Variants in BRDT observed in about 807,000 individuals in gnomAD.
BRDT encodes bromodomain testis-specific protein.
Under a neutral mutation model 113.9 loss-of-function variants are expected in BRDT, and 77 were observed. The observed-to-expected ratio is 0.68, with a 90% CI of 0.56 to 0.82. The LOEUF is 0.82. BRDT is among the 40% of genes least tolerant of loss of function. BRDT has a pLI of 0.00. For missense variants in BRDT, 1,027 were observed against 1,105.4 expected, an observed-to-expected ratio of 0.93 and a Z score of 1.01; for synonymous variants, 358 against 366.5, an observed-to-expected ratio of 0.98 and a Z score of 0.26.
chr1:91,949,556 G>T lies in BRDT; in HGVS notation c.-164G>T, dbSNP rs1186080330. Reference sequence around the variant, plus strand: ...TCCACAGGGGGTGCTGCCTTAGGCCGGCCCCGAGGTGCGGCCTTGGGTGGG... The same window carrying T: ...TCCACAGGGGGTGCTGCCTTAGGCCTGCCCCGAGGTGCGGCCTTGGGTGGG... On this transcript the variant is annotated 5_prime_UTR_variant, in exon 1 of 19. Transcript: ENST00000399546. 2.0e-5 allele frequency: 3 copies of T among 152,212 alleles called. No individual in the cohort carries two copies. The highest frequency in any genetic ancestry group is 1.5e-5 in the Non-Finnish European group (1 of 68,110). 9.4% of individuals were successfully genotyped at this position (152,212 alleles called of 1,614,324 possible). A position where few individuals can be genotyped will look rare whatever the true frequency, so the allele number is the denominator to read the frequency against.
chr1:91,994,512 G>T (rs5014049), intron 15 of BRDT, among the ~76,000 whole-genome samples: 10,033 of 152,072 alleles, frequency 0.066, 347 homozygotes, highest in Non-Finnish European at 0.087. Context: ...CCAGATCTGA[G>T]CAGATCTGGG....
intron 1 of BRDT, among the ~76,000 whole-genome samples, chr1:91,959,750 T>A (rs989076905): frequency 6.6e-6 from 1 of 152,222 alleles, no homozygotes; most frequent in African/African-American, 2.4e-5. Context: ...ACCAAAGTTC[T>A]GGGATTACAG....
Position 91,980,794 on chromosome 1 carries a change from TAAAGG to T in BRDT, c.1443_1447del (p.Glu482ValfsTer19). ...AGAAAAATGTGTGAGCAAATGAGGCTAAAGGAAAAGTCCAAGAGAAAGTAAGTATC... is the reference window on the plus strand; with the variant it reads ...AGAAAAATGTGTGAGCAAATGAGGCTAAAAGTCCAAGAGAAAGTAAGTATC... On this transcript the variant is annotated frameshift_variant, in exon 9 of 19. Coordinates refer to ENST00000399546, the MANE Select transcript of BRDT (RefSeq NM_207189.4). LOFTEE classifies it high-confidence loss of function. The T allele has an allele frequency of 1.9e-6, 3 of 1,598,496 alleles. No individual in the cohort carries two copies. Among genetic ancestry groups the T allele is most frequent in the Middle Eastern group, 1.7e-4 (1 of 5,954 alleles).
Position 91,994,125 on chromosome 1 carries a change from C to T in BRDT, c.2158C>T (p.Leu720Phe), listed in dbSNP as rs1373920320. 4 of 1,612,726 alleles carry T rather than the reference C, an allele frequency of 2.5e-6. No individual in the cohort carries two copies. The highest frequency in any genetic ancestry group is 1.3e-5 in the African/African-American group (1 of 74,996). Residue 720 changes from leucine to phenylalanine, a missense_variant, in exon 15 of 19, where the codon CTT becomes TTT. Physicochemically the swap from Leu to Phe is conservative, Grantham distance 22. Transcript: ENST00000399546. The part of the protein sequence containing the change: ...VQDTTSANTT[L>F]VHQTTPSHVM... ...AGACACAACCTCTGCCAATACTACC[C>T]TTGTTCATCAGACCACACCTTCACA...
intron 1 of BRDT, among the ~76,000 whole-genome samples, chr1:91,960,512 A>C (rs1682330689): frequency 6.6e-6 from 1 of 152,202 alleles, no homozygotes; most frequent in Admixed American, 6.5e-5. Context: ...AACAGAAAGC[A>C]GAATGGTGGT....
At chr1:91,954,797 TAAAA>T (rs537166919) in intron 1 of BRDT, among the ~76,000 whole-genome samples, 123 of 149,650 alleles carry the variant, frequency 8.2e-4, no homozygotes, top group Middle Eastern at 3.4e-3. Context: ...TCATCTCTAC[TAAAA>T]AAATTAAAAA....
intron 4 of BRDT, among the ~76,000 whole-genome samples, chr1:91,970,635 G>A (rs1459525689): frequency 6.6e-6 from 1 of 152,186 alleles, no homozygotes; most frequent in Non-Finnish European, 1.5e-5. Flanking sequence ...TACCTGGCTG[G>A]GCATTGTGGC....
chr1:91,985,690 G>A (rs1226986457), intron 12 of BRDT, among the ~76,000 whole-genome samples: 2 of 140,592 alleles, frequency 1.4e-5, no homozygotes, highest in African/African-American at 5.3e-5. Flanking sequence ...CCAGGCTGGA[G>A]TGCAGTGGCG....
At chr1:91,955,755 C>G (rs1299194700) in intron 1 of BRDT, among the ~76,000 whole-genome samples, 1 of 152,190 alleles carries the variant, frequency 6.6e-6, no homozygotes, top group Non-Finnish European at 1.5e-5. Context: ...GGACAGTGAG[C>G]TTCACTTCAC....
chr1:91,955,505 C>T (rs941812601), intron 1 of BRDT, among the ~76,000 whole-genome samples: 13 of 151,982 alleles, frequency 8.6e-5, no homozygotes, highest in African/African-American at 2.9e-4. Context: ...TTTTGTAGGA[C>T]TCTTGTGGTG....
At position 92,010,685 on chromosome 1, in the gene BRDT, C is replaced by T. The variant is rs1352703537; in HGVS notation, c.2776-3521C>T. 2.0e-5 allele frequency among the ~76,000 whole-genome samples: 3 copies of T among 152,132 alleles called. No homozygotes were observed. The East Asian group carries it at 5.8e-4, about 29-fold the overall frequency. Reference sequence around the variant, plus strand: ...TCAGTGTCTGATCTTCTGTTAACCCCCAGTGTATTAATTTTCATCCCAGAC... The same window carrying T: ...TCAGTGTCTGATCTTCTGTTAACCCTCAGTGTATTAATTTTCATCCCAGAC... On this transcript the variant is annotated intron_variant, in intron 18 of 18. Transcript: ENST00000399546.
chr1:91,977,375 G>T lies in BRDT; in HGVS notation c.951G>T (p.Met317Ile). ...HNYYDVVKNP[M>I]DLGTIKEKMD... The stretch of plus-strand genomic sequence containing the variant: ...ACTATGACGTTGTCAAAAATCCGAT[G>T]GATCTTGGAACTATTAAGGTAAATG... The change falls in exon 6 of 19, where the codon ATG becomes ATT. Residue 317 changes from methionine (M) to isoleucine (I), a missense_variant. Coordinates refer to ENST00000399546, the MANE Select transcript of BRDT (RefSeq NM_207189.4). 1.3e-6 allele frequency: 2 copies of T among 1,586,618 alleles called. No individual in the cohort carries two copies. The highest frequency in any genetic ancestry group is 1.8e-5 in the Admixed American group (1 of 54,946).
At chr1:91,984,750 G>A (rs1685049524) in intron 12 of BRDT, among the ~76,000 whole-genome samples, 1 of 151,992 alleles carries the variant, frequency 6.6e-6, no homozygotes, top group Non-Finnish European at 1.5e-5. Context: ...TCCTGCCTCA[G>A]CCTGCCAAGT....
chr1:91,983,818 A>G (rs932447753), intron 12 of BRDT, among the ~76,000 whole-genome samples: 28 of 151,662 alleles, frequency 1.8e-4, no homozygotes, highest in Middle Eastern at 3.4e-3. Context: ...AGTAGCTGGG[A>G]TTACAAGTGG....
At chr1:92,007,900 C>T (rs143781493) in intron 18 of BRDT, among the ~76,000 whole-genome samples, 1,967 of 132,442 alleles carry the variant, frequency 0.015, 52 homozygotes, top group African/African-American at 0.059. Flanking sequence ...TTTATTTATT[C>T]ATTCATTCAT....
intron 3 of BRDT, among the ~76,000 whole-genome samples, chr1:91,967,257 C>T (rs1683156443): frequency 1.3e-5 from 2 of 150,782 alleles, no homozygotes; most frequent in Non-Finnish European, 2.9e-5. Flanking sequence ...TTTTTTAAGA[C>T]GGAGTTTTCG....
chr1:92,005,953 A>C (rs1418707681), intron 18 of BRDT, among the ~76,000 whole-genome samples: 1 of 152,224 alleles, frequency 6.6e-6, no homozygotes, highest in Non-Finnish European at 1.5e-5. Flanking sequence ...TATGCAGAAA[A>C]TAATATTTTA....
Position 91,958,592 on chromosome 1 carries a change from C to T in BRDT, c.-37-4126C>T, listed in dbSNP as rs571194004. Among the ~76,000 whole-genome samples the T allele has an allele frequency of 4.9e-3, 747 of 152,296 alleles. 4 individuals carry two copies. The highest frequency in any genetic ancestry group is 0.01 in the South Asian group (50 of 4,826). On this transcript the variant is annotated intron_variant, in intron 1 of 18. Coordinates refer to ENST00000399546, the MANE Select transcript of BRDT (RefSeq NM_207189.4). ...TAGAGTGTATTTACCCTTTCACCTA[C>T]TTAAGGACATCTTAGTTATTTTCAA...
At chr1:91,962,654 CTT>C (rs1682610348) in intron 1 of BRDT, 62 bp from the exon 2 acceptor site, 1 of 1,022,290 alleles carries the variant, frequency 9.8e-7, no homozygotes, top group African/African-American at 1.7e-5. Flanking sequence ...TTGAATAACA[CTT>C]TTCAGCTCCT....
Sources: gnomAD v4.1 joint callset for allele counts (sites outside exome capture counted in the v4.1 genomes callset) on GRCh38, gnomAD v4.1.1 for gene constraint, MANE v1.5 for transcripts, NCBI Gene and HGNC (gene_info 2026-07-23, HGNC 2026-07-21) for gene names.